Variants in AP3B1 observed in about 807,000 individuals in gnomAD.
AP3B1 encodes the protein adaptor related protein complex 3 subunit beta 1.
AP3B1 carries 61 observed loss-of-function variants against 132.5 expected under a neutral mutation model. The ratio of observed to expected loss-of-function variants is 0.46; its 90% CI spans 0.37 to 0.57. The LOEUF (loss-of-function observed/expected upper bound fraction) is 0.57. Ranked by LOEUF, AP3B1 falls within the 20% of genes least tolerant of loss-of-function variation. The pLI is 0.00. For missense variants in AP3B1, 1,120 were observed against 1,289.4 expected (o/e 0.87, Z 2.01); for synonymous variants, 388 against 438.3 (o/e 0.89, Z 1.43).
At chr5:78,077,993 T>C (rs1323031433) in intron 22 of AP3B1, among the ~76,000 whole-genome samples, 2 of 152,170 alleles carry the variant, frequency 1.3e-5, no homozygotes, top group Admixed American at 6.5e-5. Context: ...ACCCACAAGG[T>C]TTCCCTTCTG....
At chr5:78,283,359 T>C (rs1260806547) in intron 1 of AP3B1, among the ~76,000 whole-genome samples, 1 of 152,202 alleles carries the variant, frequency 6.6e-6, no homozygotes, top group East Asian at 1.9e-4. Context: ...CCTACGGAAG[T>C]AGGAATTAAG....
intron 2 of AP3B1, among the ~76,000 whole-genome samples, chr5:78,252,872 C>T (rs1489720805): frequency 6.6e-6 from 1 of 152,236 alleles, no homozygotes; most frequent in Non-Finnish European, 1.5e-5. Flanking sequence ...GCCCCAGGGC[C>T]TTGAGCAAAC....
At chr5:78,011,091 TG>T (rs200152530) in intron 26 of AP3B1, among the ~76,000 whole-genome samples, 4,475 of 149,426 alleles carry the variant, frequency 0.03, 179 homozygotes, top group East Asian at 0.17. Flanking sequence ...TTGCCCAGGA[TG>T]GAGTGCAGTG....
At chr5:78,262,732 G>A (rs1748148697) in intron 2 of AP3B1, among the ~76,000 whole-genome samples, 1 of 146,526 alleles carries the variant, frequency 6.8e-6, no homozygotes. Context: ...TCGCTCTGTT[G>A]CCCAGGCTGG....
At chr5:78,184,641 T>C (rs1486114660) in intron 7 of AP3B1, among the ~76,000 whole-genome samples, 3 of 149,876 alleles carry the variant, frequency 2.0e-5, no homozygotes, top group Non-Finnish European at 4.4e-5. Context: ...TAAGCCGAGA[T>C]TGGCCACTGC....
chr5:78,005,794 C>G (rs1746366707), intron 26 of AP3B1, among the ~76,000 whole-genome samples: 1 of 152,138 alleles, frequency 6.6e-6, no homozygotes, highest in Non-Finnish European at 1.5e-5. Flanking sequence ...CCTCGGAAGG[C>G]AAAAACCACT....
intron 6 of AP3B1, among the ~76,000 whole-genome samples, chr5:78,224,068 G>A (rs1746301495): frequency 6.6e-6 from 1 of 151,956 alleles, no homozygotes; most frequent in Admixed American, 6.6e-5. Flanking sequence ...AAAGCACTAA[G>A]TATTTTTTTA....
intron 24 of AP3B1, among the ~76,000 whole-genome samples, chr5:78,026,044 G>T (rs1296953902): frequency 2.0e-5 from 3 of 152,016 alleles, no homozygotes; most frequent in Non-Finnish European, 2.9e-5. Flanking sequence ...CCTTCTTTTT[G>T]ATTTATTTCT....
chr5:78,018,851 T>A (rs1388618703), intron 25 of AP3B1, among the ~76,000 whole-genome samples: 1 of 152,118 alleles, frequency 6.6e-6, no homozygotes, highest in Non-Finnish European at 1.5e-5. Context: ...TAGAGTAGTA[T>A]AACAAATACA....
At chr5:78,216,022 A>T in intron 7 of AP3B1, 33 bp downstream of exon 7, 1 of 1,610,140 alleles carries the variant, frequency 6.2e-7, no homozygotes, top group Non-Finnish European at 8.5e-7. Context: ...TTCTCTTAGT[A>T]TACTTGAAAG....
intron 20 of AP3B1, among the ~76,000 whole-genome samples, chr5:78,105,163 G>A (rs1751283552): frequency 6.6e-6 from 1 of 152,054 alleles, no homozygotes; most frequent in African/African-American, 2.4e-5. Context: ...ATAATTTAAA[G>A]TTTTTATCAT....
At chr5:78,218,288 T>C (rs1287966922) in intron 6 of AP3B1, among the ~76,000 whole-genome samples, 2 of 152,112 alleles carry the variant, frequency 1.3e-5, no homozygotes, top group African/African-American at 4.8e-5. Context: ...CCAAAAATAC[T>C]GGTTTCCAAA....
intron 13 of AP3B1, among the ~76,000 whole-genome samples, chr5:78,157,164 T>C (rs1234676114): frequency 6.6e-6 from 1 of 152,112 alleles, no homozygotes; most frequent in Non-Finnish European, 1.5e-5. Flanking sequence ...AATCCCCTAC[T>C]GAAGGTACTG....
intron 7 of AP3B1, among the ~76,000 whole-genome samples, chr5:78,215,313 A>G (rs1418887271): frequency 6.6e-6 from 1 of 152,134 alleles, no homozygotes; most frequent in Non-Finnish European, 1.5e-5. Flanking sequence ...ACAACATTTA[A>G]GGATTTATTT....
intron 14 of AP3B1, among the ~76,000 whole-genome samples, chr5:78,150,646 A>C (rs1187755649): frequency 6.6e-6 from 1 of 152,210 alleles, no homozygotes; most frequent in African/African-American, 2.4e-5. Flanking sequence ...ACCTATAATA[A>C]TACTATATTG....
intron 2 of AP3B1, among the ~76,000 whole-genome samples, chr5:78,244,211 T>G (rs947469820): frequency 2.0e-5 from 3 of 152,092 alleles, no homozygotes; most frequent in Admixed American, 6.6e-5. Flanking sequence ...CCGGCCAACA[T>G]GCTGAAACCC....
At chr5:78,087,285 T>C (rs1456403193) in intron 22 of AP3B1, among the ~76,000 whole-genome samples, 3 of 152,182 alleles carry the variant, frequency 2.0e-5, no homozygotes, top group African/African-American at 7.2e-5. Flanking sequence ...GTTTTCTTTA[T>C]TTTCCTCTGA....
rs138234357 is a variant in AP3B1 at position 78,205,878 on chromosome 5, T to A, written c.786+10177A>T. Among the ~76,000 whole-genome samples, 200 of 152,140 alleles carry A rather than the reference T, an allele frequency of 1.3e-3. 3 individuals carry two copies. Among genetic ancestry groups the A allele is most frequent in the Non-Finnish European group, 1.5e-3 (103 of 68,004 alleles). On this transcript the variant is annotated intron_variant, in intron 7 of 26. Coordinates refer to ENST00000255194, the MANE Select transcript of AP3B1 (RefSeq NM_003664.5). ...CTAAAAAAATTTTTTTTTTTCAGAA[T>A]ATAGCTCTACTATACTAGGAATGGT...
intron 25 of AP3B1, among the ~76,000 whole-genome samples, chr5:78,018,595 ATG>A (rs1480063729): frequency 6.6e-6 from 1 of 151,868 alleles, no homozygotes; most frequent in Non-Finnish European, 1.5e-5. Flanking sequence ...GAGTTTTAAA[ATG>A]TGTCATATGA....
Sources: allele counts gnomAD v4.1 joint callset (sites outside exome capture counted in the v4.1 genomes callset), GRCh38; gene constraint gnomAD v4.1.1; transcripts MANE v1.5; gene names NCBI Gene and HGNC (gene_info 2026-07-23, HGNC 2026-07-21).